Variants in PARN observed in about 807,000 individuals in gnomAD.
The protein encoded by PARN is poly(A)-specific ribonuclease.
Under a neutral mutation model 102.8 loss-of-function variants are expected in PARN, and 71 were observed. The ratio of observed to expected loss-of-function variants is 0.69; its 90% CI spans 0.57 to 0.84. The LOEUF (loss-of-function observed/expected upper bound fraction) is 0.84. PARN is among the 40% of genes least tolerant of loss of function. PARN has a pLI of 0.00. For missense variants in PARN, 782 were observed against 760.9 expected, an observed-to-expected ratio of 1.03 and a Z score of -0.33; for synonymous variants, 261 against 252.9, an observed-to-expected ratio of 1.03 and a Z score of -0.30.
rs896673063 is a variant in PARN, at chr16:14,601,672, C to T, written c.784-1712G>A. Among the ~76,000 whole-genome samples the T allele has an allele frequency of 2.6e-5, 4 of 152,058 alleles. No individual in the cohort carries two copies. The East Asian group carries it at 7.8e-4, about 30-fold the overall frequency. On this transcript the variant is annotated intron_variant, in intron 11 of 23. Transcript: ENST00000437198. ...GCATGGTAGCTCACGCTGGTAATCC[C>T]AGCACTTTGGCAGGCTGAGGCAGGC...
chr16:14,455,925 T>TA (rs2151566944), intron 22 of PARN, among the ~76,000 whole-genome samples: 1 of 152,342 alleles, frequency 6.6e-6, no homozygotes, highest in East Asian at 1.9e-4. Flanking sequence ...TGTTGGCTGT[T>TA]AAAATTTTAG....
At chr16:14,597,211 T>C (rs145498797) in intron 12 of PARN, among the ~76,000 whole-genome samples, 8 of 152,286 alleles carry the variant, frequency 5.3e-5, no homozygotes, top group Admixed American at 1.3e-4. Flanking sequence ...ACGATAATAT[T>C]AGTAGGCAAA....
At chr16:14,489,863 T>C (rs1281620447) in intron 21 of PARN, among the ~76,000 whole-genome samples, 1 of 152,262 alleles carries the variant, frequency 6.6e-6, no homozygotes, top group Non-Finnish European at 1.5e-5. Context: ...ATATTCGTAT[T>C]AACCCAATGG....
At chr16:14,556,767 G>A (rs1197805731) in intron 18 of PARN, among the ~76,000 whole-genome samples, 1 of 152,080 alleles carries the variant, frequency 6.6e-6, no homozygotes, top group Non-Finnish European at 1.5e-5. Flanking sequence ...ATGGGCATTT[G>A]TGAGCTGAGA....
chr16:14,445,900 G>C (rs1353573147), intron 23 of PARN, among the ~76,000 whole-genome samples: 5 of 152,126 alleles, frequency 3.3e-5, no homozygotes, highest in Admixed American at 3.3e-4. Flanking sequence ...TAATGGCTCT[G>C]GGACTTTGGG....
intron 11 of PARN, 61 bp from the exon 12 acceptor site, chr16:14,600,021 A>G (rs1352227514): frequency 1.1e-6 from 1 of 932,482 alleles, no homozygotes; most frequent in Non-Finnish European, 1.6e-6. Flanking sequence ...ATGTGAATTA[A>G]AAAACTACCC....
At chr16:14,590,123 C>G (rs1353435015) in intron 13 of PARN, among the ~76,000 whole-genome samples, 1 of 147,894 alleles carries the variant, frequency 6.8e-6, no homozygotes, top group Non-Finnish European at 1.5e-5. Context: ...TGGTGGCGGG[C>G]GCCTGTAATC....
rs1395482954 is a variant in PARN at position 14,556,794 on chromosome 16, C to CT, written c.1263-1086dup. On this transcript the variant is annotated intron_variant, in intron 18 of 23. Transcript: ENST00000437198. The stretch of plus-strand genomic sequence containing the variant: ...GAGCTGAGAATGACAACACAGGTTT[C>CT]TTTTTTTTTAATGAAATGCAAAGTC... Among the ~76,000 whole-genome samples the CT allele has an allele frequency of 8.5e-3, 1,287 of 150,758 alleles. 21 individuals carry two copies. The highest frequency in any genetic ancestry group is 0.029 in the African/African-American group (1,204 of 41,118).
intron 16 of PARN, among the ~76,000 whole-genome samples, chr16:14,584,145 T>A (rs1326354704): frequency 6.6e-6 from 1 of 152,106 alleles, no homozygotes; most frequent in Non-Finnish European, 1.5e-5. Flanking sequence ...GCTACCCAAC[T>A]CCATTAACAT....
chr16:14,549,461 T>G (rs1411898538), intron 21 of PARN, among the ~76,000 whole-genome samples: 1 of 152,146 alleles, frequency 6.6e-6, no homozygotes, highest in African/African-American at 2.4e-5. Flanking sequence ...AATAGAGTGC[T>G]TCTATGGCTA....
chr16:14,452,643 A>C (rs911216724), intron 22 of PARN, among the ~76,000 whole-genome samples: 1 of 152,168 alleles, frequency 6.6e-6, no homozygotes, highest in Non-Finnish European at 1.5e-5. Context: ...ACCCTACAGC[A>C]TATTTCTTAA....
intron 23 of PARN, among the ~76,000 whole-genome samples, chr16:14,445,473 G>A (rs1203016647): frequency 6.6e-6 from 1 of 152,246 alleles, no homozygotes; most frequent in African/African-American, 2.4e-5. Context: ...CGTGACAACT[G>A]TCACGATGTG....
At chr16:14,576,427 C>T (rs932839875) in intron 18 of PARN, among the ~76,000 whole-genome samples, 1 of 152,306 alleles carries the variant, frequency 6.6e-6, no homozygotes, top group South Asian at 2.1e-4. Flanking sequence ...CAGAAAACAA[C>T]CTTCCCGAAA....
At chr16:14,551,000 G>A (rs1023413652) in intron 21 of PARN, among the ~76,000 whole-genome samples, 3 of 151,456 alleles carry the variant, frequency 2.0e-5, no homozygotes, top group Non-Finnish European at 2.9e-5. Context: ...TCACTCTGTC[G>A]CCCAGGCCAG....
chr16:14,444,961 T>C, intron 23 of PARN, among the ~76,000 whole-genome samples: 1 of 151,802 alleles, frequency 6.6e-6, no homozygotes, highest in Non-Finnish European at 1.5e-5. Context: ...TGGGACTACA[T>C]GCCCGTGCAG....
At chr16:14,538,265 C>T (rs948808750) in intron 21 of PARN, among the ~76,000 whole-genome samples, 1 of 144,554 alleles carries the variant, frequency 6.9e-6, no homozygotes, top group East Asian at 2.0e-4. Flanking sequence ...GTCGTCCAGG[C>T]TGGAGTGCAG....
chr16:14,565,423 AC>A (rs1245225267), intron 18 of PARN, among the ~76,000 whole-genome samples: 4 of 146,830 alleles, frequency 2.7e-5, no homozygotes, highest in Admixed American at 6.7e-5. Flanking sequence ...AAAAAAAAAA[AC>A]AAAGGAAGAA....
At chr16:14,600,251 G>C (rs966384987) in intron 11 of PARN, among the ~76,000 whole-genome samples, 1 of 152,164 alleles carries the variant, frequency 6.6e-6, no homozygotes, top group Non-Finnish European at 1.5e-5. Context: ...AAATTTCCAA[G>C]TCTTTCAAGG....
At position 14,525,653 on chromosome 16, in the gene PARN, G is replaced by T. The variant is rs143384876; in HGVS notation, c.1480+26368C>A. 5.3e-3 allele frequency among the ~76,000 whole-genome samples: 803 copies of T among 152,264 alleles called. 5 individuals carry two copies. Among genetic ancestry groups the T allele is most frequent in the Admixed American group, 0.016 (249 of 15,292 alleles). On this transcript the variant is annotated intron_variant, in intron 21 of 23. Coordinates refer to ENST00000437198, the MANE Select transcript of PARN (RefSeq NM_002582.4). ...CTGCAAAGGGGCCCTGCAAGCCTATGACAGAGCCGCTCAGTGAATCCAGAG... is the reference window on the plus strand; with the variant it reads ...CTGCAAAGGGGCCCTGCAAGCCTATTACAGAGCCGCTCAGTGAATCCAGAG...
Sources: allele counts gnomAD v4.1 joint callset (sites outside exome capture counted in the v4.1 genomes callset), GRCh38; gene constraint gnomAD v4.1.1; transcripts MANE v1.5; gene names NCBI Gene and HGNC (gene_info 2026-07-23, HGNC 2026-07-21).